GRIK2: variants seen among roughly 807,000 people sequenced by gnomAD.
GRIK2 encodes glutamate receptor ionotropic, kainate 2.
GRIK2 carries 32 observed loss-of-function variants against 100.3 expected under a neutral mutation model. That is an observed-to-expected ratio of 0.32 (90% CI 0.24 to 0.43). The LOEUF (loss-of-function observed/expected upper bound fraction) is 0.43. GRIK2 is among the 20% of genes least tolerant of loss of function. The probability of loss-of-function intolerance (pLI) is 1.00; values close to 1 mark genes in which losing one functional copy is unlikely to be tolerated. For missense variants in GRIK2, 843 were observed against 1,114.9 expected, an observed-to-expected ratio of 0.76 and a Z score of 3.47; for synonymous variants, 417 against 389.4, an observed-to-expected ratio of 1.07 and a Z score of -0.83.
intron 10 of GRIK2, among the ~76,000 whole-genome samples, chr6:101,829,918 A>G (rs1782568048): frequency 1.3e-5 from 2 of 152,026 alleles, no homozygotes; most frequent in Admixed American, 1.3e-4. Context: ...AATTTGAAAA[A>G]GAAACTATTC....
chr6:102,064,025 T>C (rs1160641944), intron 16 of GRIK2: 1 of 1,517,248 alleles, frequency 6.6e-7, no homozygotes, highest in Non-Finnish European at 9.1e-7. Flanking sequence ...TTTTGAAACT[T>C]ACTAAAAGAG....
chr6:101,910,839 C>CCACACACACACACA (rs142489212), intron 12 of GRIK2, among the ~76,000 whole-genome samples: 11,540 of 143,202 alleles, frequency 0.081, 526 homozygotes, highest in Admixed American at 0.12. Context: ...CCAACATACA[C>CCACACACACACACA]CACACACACA....
chr6:101,608,305 A>T (rs1779521996), intron 2 of GRIK2, among the ~76,000 whole-genome samples: 1 of 151,916 alleles, frequency 6.6e-6, no homozygotes, highest in Non-Finnish European at 1.5e-5. Flanking sequence ...CATGCATTTT[A>T]ACGATTGCAC....
intron 2 of GRIK2, among the ~76,000 whole-genome samples, chr6:101,561,248 A>G (rs554906591): frequency 5.9e-5 from 9 of 152,286 alleles, no homozygotes; most frequent in African/African-American, 1.9e-4. Context: ...TAGAGCATGT[A>G]TAGAGTTTGT....
intron 7 of GRIK2, among the ~76,000 whole-genome samples, chr6:101,781,789 G>A (rs1185831285): frequency 6.6e-6 from 1 of 150,748 alleles, no homozygotes; most frequent in Non-Finnish European, 1.5e-5. Flanking sequence ...GTTAATATTA[G>A]TAACTTTTTA....
At chr6:101,648,908 A>T (rs957211356) in intron 4 of GRIK2, among the ~76,000 whole-genome samples, 3 of 152,082 alleles carry the variant, frequency 2.0e-5, no homozygotes, top group Non-Finnish European at 4.4e-5. Context: ...CATGTCTTAC[A>T]TGGTGGCAGG....
intron 7 of GRIK2, among the ~76,000 whole-genome samples, chr6:101,761,031 A>G (rs996862375): frequency 6.6e-6 from 1 of 152,100 alleles, no homozygotes; most frequent in Non-Finnish European, 1.5e-5. Flanking sequence ...TCAGAAATGA[A>G]TCTGAACAGA....
At chr6:101,565,740 A>C (rs1777224737) in intron 2 of GRIK2, among the ~76,000 whole-genome samples, 1 of 151,386 alleles carries the variant, frequency 6.6e-6, no homozygotes, top group African/African-American at 2.4e-5. Flanking sequence ...AGGGGTGCTG[A>C]CCCCCACACA....
At chr6:101,466,285 A>G (rs1035110027) in intron 2 of GRIK2, among the ~76,000 whole-genome samples, 2 of 151,530 alleles carry the variant, frequency 1.3e-5, no homozygotes, top group Non-Finnish European at 2.9e-5. Flanking sequence ...GATTTGATAT[A>G]ATATTCATTA....
intron 7 of GRIK2, among the ~76,000 whole-genome samples, chr6:101,790,630 T>C (rs1240028534): frequency 6.8e-6 from 1 of 147,892 alleles, no homozygotes; most frequent in African/African-American, 2.5e-5. Context: ...TGAGGATTTT[T>C]GCATCAATGT....
intron 2 of GRIK2, among the ~76,000 whole-genome samples, chr6:101,615,450 T>C (rs1336412654): frequency 6.6e-6 from 1 of 151,740 alleles, no homozygotes; most frequent in Non-Finnish European, 1.5e-5. Flanking sequence ...AATGTGAAAC[T>C]GGTTGAATTT....
chr6:101,751,159 A>C (rs557376952), intron 7 of GRIK2, among the ~76,000 whole-genome samples: 3 of 152,208 alleles, frequency 2.0e-5, no homozygotes, highest in Admixed American at 1.3e-4. Flanking sequence ...GGCTGGTCTC[A>C]AACTTGCGGG....
intron 12 of GRIK2, among the ~76,000 whole-genome samples, chr6:101,904,556 T>C (rs1788098593): frequency 6.6e-6 from 1 of 151,426 alleles, no homozygotes; most frequent in African/African-American, 2.4e-5. Context: ...GAAATTCAAG[T>C]TTTGTTATTA....
At chr6:101,897,065 G>A (rs1381297623) in intron 12 of GRIK2, among the ~76,000 whole-genome samples, 1 of 150,710 alleles carries the variant, frequency 6.6e-6, no homozygotes, top group East Asian at 1.9e-4. Context: ...TCTGATAAGA[G>A]CAGCACACGT....
chr6:101,821,643 T>A (rs1323967003), intron 10 of GRIK2, among the ~76,000 whole-genome samples: 1 of 152,128 alleles, frequency 6.6e-6, no homozygotes, highest in Non-Finnish European at 1.5e-5. Flanking sequence ...TTTATTTTTA[T>A]ACCTTTTAGT....
chr6:101,455,620 C>T (rs1052795622), intron 2 of GRIK2, among the ~76,000 whole-genome samples: 1 of 151,758 alleles, frequency 6.6e-6, no homozygotes, highest in Non-Finnish European at 1.5e-5. Flanking sequence ...TCGGGGAGTC[C>T]TTATAAATTG....
chr6:102,001,680 T>A (rs1419237862), intron 14 of GRIK2, among the ~76,000 whole-genome samples: 1 of 152,092 alleles, frequency 6.6e-6, no homozygotes, highest in Non-Finnish European at 1.5e-5. Context: ...TGGATTTGAA[T>A]CTTTTCTTAT....
intron 14 of GRIK2, among the ~76,000 whole-genome samples, chr6:101,968,303 C>T (rs1251090797): frequency 6.6e-6 from 1 of 151,960 alleles, no homozygotes; most frequent in African/African-American, 2.4e-5. Flanking sequence ...CTTTTTAAAA[C>T]CCTTTATATG....
chr6:101,791,305 G>A (rs966032394), intron 7 of GRIK2, among the ~76,000 whole-genome samples: 33 of 152,060 alleles, frequency 2.2e-4, no homozygotes, highest in Non-Finnish European at 2.9e-4. Flanking sequence ...ATGTTAGGGT[G>A]TCAATTTTGG....
Sources: gnomAD v4.1 joint callset for allele counts (sites outside exome capture counted in the v4.1 genomes callset) on GRCh38, gnomAD v4.1.1 for gene constraint, MANE v1.5 for transcripts, NCBI Gene and HGNC (gene_info 2026-07-23, HGNC 2026-07-21) for gene names.